Variants in KIRREL3 observed in about 807,000 individuals in gnomAD.
The protein encoded by KIRREL3 is kirre like nephrin family adhesion molecule 3.
In KIRREL3, 36 loss-of-function variants were observed where a neutral mutation model predicts 89.7. The ratio of observed to expected loss-of-function variants is 0.40; its 90% CI spans 0.31 to 0.53. The LOEUF (loss-of-function observed/expected upper bound fraction) is 0.53, where lower values mean the gene tolerates loss of function less well. Ranked by LOEUF, KIRREL3 falls within the 20% of genes least tolerant of loss-of-function variation. KIRREL3 has a pLI of 0.49. For missense variants in KIRREL3, 864 were observed against 1,056.6 expected, an observed-to-expected ratio of 0.82 and a Z score of 2.53; for synonymous variants, 445 against 441.4, an observed-to-expected ratio of 1.01 and a Z score of -0.10.
At chr11:126,998,896 A>G (rs528729918) in intron 1 of KIRREL3, among the ~76,000 whole-genome samples, 82 of 150,962 alleles carry the variant, frequency 5.4e-4, no homozygotes, top group African/African-American at 1.9e-3. Context: ...GTGAACTGGT[A>G]AGAAGCAAAG....
chr11:126,856,097 A>G (rs1445197310), intron 1 of KIRREL3, among the ~76,000 whole-genome samples: 1 of 152,188 alleles, frequency 6.6e-6, no homozygotes, highest in Admixed American at 6.5e-5. Flanking sequence ...ATGCTAAGTA[A>G]GTTTGGGGAA....
At chr11:126,998,040 T>A (rs935732247) in intron 1 of KIRREL3, among the ~76,000 whole-genome samples, 3 of 152,036 alleles carry the variant, frequency 2.0e-5, no homozygotes. Context: ...GGGATCACAG[T>A]GGAGCCATTT....
At chr11:126,944,153 C>G (rs1305095134) in intron 1 of KIRREL3, among the ~76,000 whole-genome samples, 1 of 152,180 alleles carries the variant, frequency 6.6e-6, no homozygotes, top group Non-Finnish European at 1.5e-5. Flanking sequence ...AGATTACACC[C>G]TTTGGTCCTC....
chr11:126,643,722 G>A lies in KIRREL3; in HGVS notation c.56-80810C>T, dbSNP rs894922090. Among the ~76,000 whole-genome samples, 3 of 152,144 alleles carry A rather than the reference G, an allele frequency of 2.0e-5. No homozygotes were observed. Among genetic ancestry groups the A allele is most frequent in the African/African-American group, 4.8e-5 (2 of 41,428 alleles). On this transcript the variant is annotated intron_variant, in intron 1 of 16. Coordinates refer to ENST00000525144, the MANE Select transcript of KIRREL3 (RefSeq NM_032531.4). The surrounding 1 kb of genome is among the most constrained non-coding windows in gnomAD (Gnocchi z 4.5). Reference sequence around the variant, plus strand: ...TGGAGATAGGGAGAGGAGTTTGGAGGCAGCAGTAATCTCAGTGAGATTACG... The same window carrying A: ...TGGAGATAGGGAGAGGAGTTTGGAGACAGCAGTAATCTCAGTGAGATTACG...
chr11:126,667,496 G>A (rs1455596963), intron 1 of KIRREL3, among the ~76,000 whole-genome samples: 1 of 152,210 alleles, frequency 6.6e-6, no homozygotes, highest in Non-Finnish European at 1.5e-5. Flanking sequence ...GACTCCCAAT[G>A]CGAGGTGAAG....
rs1020376072 is a variant in KIRREL3 at position 126,652,753 on chromosome 11, A to G, written c.56-89841T>C. 2.0e-5 allele frequency: 3 copies of G among 152,012 alleles called. No homozygotes were observed. Among genetic ancestry groups the G allele is most frequent in the Non-Finnish European group, 4.4e-5 (3 of 67,988 alleles). 9.4% of individuals were successfully genotyped at this position (152,012 alleles called of 1,614,324 possible). ...CACCAAAGAGTTACTCTTTTTTGAA[A>G]TCTGAATCTCAGATTTTCACTTTCC... On this transcript the variant is annotated intron_variant, in intron 1 of 16. Coordinates refer to ENST00000525144, the MANE Select transcript of KIRREL3 (RefSeq NM_032531.4). This position sits in a 1 kb window ranked among gnomAD's most constrained non-coding sequence, Gnocchi z 4.9.
In KIRREL3 at chr11:126,651,336, C is replaced by A. The variant is rs1394496845; in HGVS notation, c.56-88424G>T. Among the ~76,000 whole-genome samples the A allele has an allele frequency of 1.3e-5, 2 of 152,216 alleles. No homozygotes were observed. Among genetic ancestry groups the A allele is most frequent in the Non-Finnish European group, 2.9e-5 (2 of 68,044 alleles). ...GAATCCCTCTCCATCTTCCCCAAAT[C>A]TCACAAATTCCAGTGATAAACTCCA... On this transcript the variant is annotated intron_variant, in intron 1 of 16. Transcript: ENST00000525144. The surrounding 1 kb of genome is among the most constrained non-coding windows in gnomAD (Gnocchi z 4.6).
At chr11:126,818,099 G>T (rs536783527) in intron 1 of KIRREL3, among the ~76,000 whole-genome samples, 2 of 152,324 alleles carry the variant, frequency 1.3e-5, no homozygotes, top group African/African-American at 2.4e-5. Context: ...GCTGTATCAG[G>T]GGGGCAAGAG....
intron 1 of KIRREL3, among the ~76,000 whole-genome samples, chr11:126,810,507 C>G (rs1951346172): frequency 6.6e-6 from 1 of 152,132 alleles, no homozygotes; most frequent in Non-Finnish European, 1.5e-5. Flanking sequence ...CCACATGTTT[C>G]CAAGCTCTAA....
intron 1 of KIRREL3, among the ~76,000 whole-genome samples, chr11:126,826,205 T>G (rs977646526): frequency 2.0e-5 from 3 of 152,196 alleles, no homozygotes; most frequent in African/African-American, 7.2e-5. Context: ...TCTTGCTAGA[T>G]AGTGCACACA....
rs1327069889 is a variant in KIRREL3 at position 126,892,874 on chromosome 11, T to C, written c.55+107581A>G. Reference sequence around the variant, plus strand: ...GCTCGGGTAGAGCTTATCTAGTGGATGAACCTGCTCCTAGACACAGAGCAC... The same window carrying C: ...GCTCGGGTAGAGCTTATCTAGTGGACGAACCTGCTCCTAGACACAGAGCAC... On this transcript the variant is annotated intron_variant, in intron 1 of 16. Transcript: ENST00000525144. The surrounding 1 kb of genome is among the most constrained non-coding windows in gnomAD (Gnocchi z 5.4). Among the ~76,000 whole-genome samples the C allele has an allele frequency of 6.6e-6, 1 of 152,178 alleles. No homozygotes were observed. Among genetic ancestry groups the C allele is most frequent in the East Asian group, 1.9e-4 (1 of 5,198 alleles).
rs1025555603 is a variant in KIRREL3, at chr11:126,522,831, G to A, written c.284-1367C>T. Among the ~76,000 whole-genome samples, 3 of 152,206 alleles carry A rather than the reference G, an allele frequency of 2.0e-5. No homozygotes were observed. The highest frequency in any genetic ancestry group is 1.9e-4 in the East Asian group (1 of 5,152). On this transcript the variant is annotated intron_variant, in intron 3 of 16. Transcript: ENST00000525144. This position sits in a 1 kb window ranked among gnomAD's most constrained non-coding sequence, Gnocchi z 6.0. ...CCTTCTCTCCTCAGAGGCTGCCCTCGGCTTCCACTCCCCTCTGGCAGCCCC... is the reference window on the plus strand; with the variant it reads ...CCTTCTCTCCTCAGAGGCTGCCCTCAGCTTCCACTCCCCTCTGGCAGCCCC...
chr11:126,514,813 C>CCAACA (rs61108090), intron 4 of KIRREL3, among the ~76,000 whole-genome samples: 4,244 of 145,746 alleles, frequency 0.029, 81 homozygotes, highest in African/African-American at 0.05. Flanking sequence ...CATTGCCTCT[C>CCAACA]CAACACAACA....
chr11:126,627,019 A>AAAC lies in KIRREL3; in HGVS notation c.56-64108_56-64107insGTT, dbSNP rs1555164878. On this transcript the variant is annotated intron_variant, in intron 1 of 16. Coordinates refer to ENST00000525144, the MANE Select transcript of KIRREL3 (RefSeq NM_032531.4). The surrounding 1 kb of genome is among the most constrained non-coding windows in gnomAD (Gnocchi z 5.0). ...CTGTCTCAAGAAAAAAAAAAAACAA[A>AAAC]AAAAAAAGAATAACCACAGTTTTGA... 7.3e-5 allele frequency among the ~76,000 whole-genome samples: 11 copies of AAAC among 150,310 alleles called. No homozygotes were observed. The highest frequency in any genetic ancestry group is 6.6e-5 in the Admixed American group (1 of 15,152).
At chr11:126,699,991 C>T (rs780091971) in intron 1 of KIRREL3, among the ~76,000 whole-genome samples, 7 of 151,820 alleles carry the variant, frequency 4.6e-5, no homozygotes, top group Admixed American at 6.6e-5. Context: ...TTCTGGGGTT[C>T]GAGACCAGCC....
In KIRREL3 at chr11:126,636,676, T is replaced by A. The variant is rs1431276671; in HGVS notation, c.56-73764A>T. On this transcript the variant is annotated intron_variant, in intron 1 of 16. Coordinates refer to ENST00000525144, the MANE Select transcript of KIRREL3 (RefSeq NM_032531.4). This position sits in a 1 kb window ranked among gnomAD's most constrained non-coding sequence, Gnocchi z 4.4. Reference sequence around the variant, plus strand: ...CAGCACCCTTTCTTGTGTCTTGGTATCTGCCTGAGACCTTTGTTTTGCTGG... The same window carrying A: ...CAGCACCCTTTCTTGTGTCTTGGTAACTGCCTGAGACCTTTGTTTTGCTGG... Among the ~76,000 whole-genome samples the A allele has an allele frequency of 1.3e-5, 2 of 152,252 alleles. No homozygotes were observed. The highest frequency in any genetic ancestry group is 2.9e-5 in the Non-Finnish European group (2 of 68,040).
At position 126,752,478 on chromosome 11, in the gene KIRREL3, A is replaced by C. The variant is rs1467740609; in HGVS notation, c.56-189566T>G. Among the ~76,000 whole-genome samples the C allele has an allele frequency of 6.6e-6, 1 of 152,194 alleles. No individual in the cohort carries two copies. The highest frequency in any genetic ancestry group is 6.5e-5 in the Admixed American group (1 of 15,280). On this transcript the variant is annotated intron_variant, in intron 1 of 16. Transcript: ENST00000525144. This position sits in a 1 kb window ranked among gnomAD's most constrained non-coding sequence, Gnocchi z 4.8. ...TTACAGTGCTAATAATAATAATTGC[A>C]TAATAGCATTATTCTTACAGCGGAA... is the stretch of plus-strand genomic sequence containing the variant.
intron 1 of KIRREL3, among the ~76,000 whole-genome samples, chr11:126,846,541 T>C (rs1944148984): frequency 6.6e-6 from 1 of 152,162 alleles, no homozygotes; most frequent in African/African-American, 2.4e-5. Flanking sequence ...TGGTCTTCTG[T>C]CTGGTGTCCT....
In KIRREL3 at chr11:126,830,692, T is replaced by C. The variant is rs755433603; in HGVS notation, c.55+169763A>G. Among the ~76,000 whole-genome samples, 1 of 152,212 alleles carries C rather than the reference T, an allele frequency of 6.6e-6. No individual in the cohort carries two copies. The highest frequency in any genetic ancestry group is 1.5e-5 in the Non-Finnish European group (1 of 68,038). Reference sequence around the variant, plus strand: ...CAGACGCATTCATTGTCTAACTGCCTGGATGCAAAACTAACTTAGCATAGC... The same window carrying C: ...CAGACGCATTCATTGTCTAACTGCCCGGATGCAAAACTAACTTAGCATAGC... On this transcript the variant is annotated intron_variant, in intron 1 of 16. Transcript: ENST00000525144. The surrounding 1 kb of genome is among the most constrained non-coding windows in gnomAD (Gnocchi z 4.9).
Sources: gnomAD v4.1 joint callset for allele counts (sites outside exome capture counted in the v4.1 genomes callset) on GRCh38, gnomAD v4.1.1 for gene constraint, Gnocchi (gnomAD v3.1) non-coding constraint, MANE v1.5 for transcripts, NCBI Gene and HGNC (gene_info 2026-07-23, HGNC 2026-07-21) for gene names.